Variants in GALNTL6 observed in about 807,000 individuals in gnomAD.
The protein encoded by GALNTL6 is polypeptide N-acetylgalactosaminyltransferase like 6.
In GALNTL6, 46 loss-of-function variants were observed where a neutral mutation model predicts 73.7. The ratio of observed to expected loss-of-function variants is 0.62; its 90% CI spans 0.49 to 0.80. The LOEUF is 0.80. Among genes scored for constraint, GALNTL6 ranks in the 30% least tolerant of loss-of-function variants. The probability of loss-of-function intolerance (pLI) is 0.00; values close to 1 mark genes in which losing one functional copy is unlikely to be tolerated. For missense variants in GALNTL6, 604 were observed against 755.0 expected (o/e 0.80, Z 2.34); for synonymous variants, 259 against 263.7 (o/e 0.98, Z 0.17).
intron 2 of GALNTL6, among the ~76,000 whole-genome samples, chr4:171,952,387 G>A (rs1448450496): frequency 1.3e-5 from 2 of 151,458 alleles, no homozygotes; most frequent in Non-Finnish European, 2.9e-5. Flanking sequence ...TTATTCAAAT[G>A]GTTTTAAAAA....
intron 10 of GALNTL6, among the ~76,000 whole-genome samples, chr4:172,989,889 G>T (rs1392438706): frequency 6.6e-6 from 1 of 152,200 alleles, no homozygotes; most frequent in Non-Finnish European, 1.5e-5. Flanking sequence ...CTTTTCTGGA[G>T]GTTTCTCCAT....
intron 3 of GALNTL6, among the ~76,000 whole-genome samples, chr4:172,267,926 A>G (rs1018674583): frequency 6.6e-6 from 1 of 152,152 alleles, no homozygotes; most frequent in African/African-American, 2.4e-5. Flanking sequence ...GTAGAGCAAG[A>G]TGTTACTTTT....
At chr4:172,025,788 G>GGTGT (rs1355019449) in intron 2 of GALNTL6, among the ~76,000 whole-genome samples, 6 of 150,508 alleles carry the variant, frequency 4.0e-5, no homozygotes, top group Admixed American at 2.0e-4. Context: ...GCAGGCCTTT[G>GGTGT]GTGTGTGTGT....
chr4:172,422,658 A>C (rs2111364930), intron 5 of GALNTL6, among the ~76,000 whole-genome samples: 1 of 152,004 alleles, frequency 6.6e-6, no homozygotes, highest in African/African-American at 2.4e-5. Flanking sequence ...ATCTTCTCCC[A>C]AAATCCAGAC....
chr4:172,565,983 C>T (rs1360985529), intron 5 of GALNTL6, among the ~76,000 whole-genome samples: 1 of 152,020 alleles, frequency 6.6e-6, no homozygotes, highest in Admixed American at 6.6e-5. Flanking sequence ...TTCATTTCAT[C>T]AGTAAGATAT....
chr4:172,522,642 C>T (rs1158419387), intron 5 of GALNTL6, among the ~76,000 whole-genome samples: 1 of 146,506 alleles, frequency 6.8e-6, no homozygotes, highest in African/African-American at 2.5e-5. Flanking sequence ...CGGACTCCAG[C>T]CTGGGTAACG....
chr4:172,007,795 A>G (rs904677290), intron 2 of GALNTL6, among the ~76,000 whole-genome samples: 6 of 152,164 alleles, frequency 3.9e-5, no homozygotes, highest in Non-Finnish European at 8.8e-5. Context: ...TCATTTTAGG[A>G]TATCTCCCCT....
chr4:172,478,996 T>G lies in GALNTL6; in HGVS notation c.553+130307T>G, dbSNP rs570715174. Among the ~76,000 whole-genome samples, 59 of 152,296 alleles carry G rather than the reference T, an allele frequency of 3.9e-4. 1 individual carries two copies. The highest frequency in any genetic ancestry group is 1.3e-3 in the African/African-American group (55 of 41,564). ...TACCCTAGTCAGAATAGTCATTTTT[T>G]TAAAAGTCAGAAAACAAATAGATGT... On this transcript the variant is annotated intron_variant, in intron 5 of 12. Coordinates refer to ENST00000506823, the MANE Select transcript of GALNTL6 (RefSeq NM_001034845.3).
intron 2 of GALNTL6, among the ~76,000 whole-genome samples, chr4:172,168,756 C>T (rs1248439382): frequency 6.6e-6 from 1 of 152,070 alleles, no homozygotes; most frequent in Non-Finnish European, 1.5e-5. Context: ...TTATCTTTTA[C>T]CTTGTCAATT....
chr4:172,595,572 G>A (rs779584761), intron 5 of GALNTL6, among the ~76,000 whole-genome samples: 8 of 152,076 alleles, frequency 5.3e-5, no homozygotes, highest in South Asian at 4.1e-4. Context: ...GAAATCTTAC[G>A]TATTGTTATA....
intron 5 of GALNTL6, among the ~76,000 whole-genome samples, chr4:172,417,315 A>C (rs763957098): frequency 6.6e-6 from 1 of 152,100 alleles, no homozygotes; most frequent in African/African-American, 2.4e-5. Flanking sequence ...TCTCCAAGGG[A>C]AATTATGCAC....
intron 2 of GALNTL6, among the ~76,000 whole-genome samples, chr4:171,819,966 G>A (rs1734640138): frequency 6.6e-6 from 1 of 152,124 alleles, no homozygotes. Flanking sequence ...GGAAGGTTCT[G>A]AAGATGACAG....
intron 5 of GALNTL6, among the ~76,000 whole-genome samples, chr4:172,554,587 C>G (rs1736077284): frequency 6.6e-6 from 1 of 152,118 alleles, no homozygotes. Context: ...TTTCTCCTCC[C>G]CACTAGAAAG....
intron 3 of GALNTL6, among the ~76,000 whole-genome samples, chr4:172,300,562 C>G: frequency 6.6e-6 from 1 of 152,190 alleles, no homozygotes; most frequent in Admixed American, 6.5e-5. Flanking sequence ...TTCGGGCAGG[C>G]CTGGTGGTGT....
intron 2 of GALNTL6, among the ~76,000 whole-genome samples, chr4:172,065,531 A>T (rs1466019139): frequency 2.0e-5 from 3 of 152,112 alleles, no homozygotes; most frequent in Non-Finnish European, 4.4e-5. Flanking sequence ...TAGTCTTTGT[A>T]ACCTTTGACC....
intron 7 of GALNTL6, among the ~76,000 whole-genome samples, chr4:172,878,894 A>G (rs974969366): frequency 6.6e-6 from 1 of 151,896 alleles, no homozygotes; most frequent in Non-Finnish European, 1.5e-5. Flanking sequence ...ATAGTTTAAA[A>G]GTAAAAAGAT....
At chr4:172,608,483 G>A (rs1243403594) in intron 5 of GALNTL6, among the ~76,000 whole-genome samples, 6 of 152,008 alleles carry the variant, frequency 3.9e-5, no homozygotes, top group African/African-American at 1.4e-4. Context: ...TGTTCCATTG[G>A]TCTATATGTC....
At chr4:171,954,539 T>C (rs891179386) in intron 2 of GALNTL6, among the ~76,000 whole-genome samples, 4 of 152,154 alleles carry the variant, frequency 2.6e-5, no homozygotes, top group African/African-American at 9.7e-5. Flanking sequence ...AATTAAGAAA[T>C]ACACAAGGGA....
At chr4:172,062,530 T>C (rs1223444236) in intron 2 of GALNTL6, among the ~76,000 whole-genome samples, 2 of 152,198 alleles carry the variant, frequency 1.3e-5, no homozygotes, top group Non-Finnish European at 1.5e-5. Flanking sequence ...GTCATATCTC[T>C]TAAAAGTAAG....
Sources: gnomAD v4.1 joint callset for allele counts (sites outside exome capture counted in the v4.1 genomes callset) on GRCh38, gnomAD v4.1.1 for gene constraint, MANE v1.5 for transcripts, NCBI Gene and HGNC (gene_info 2026-07-23, HGNC 2026-07-21) for gene names.